SORCS2: variants seen among roughly 807,000 people sequenced by gnomAD.
SORCS2 encodes the protein VPS10 domain-containing receptor SorCS2.
In SORCS2, 100 loss-of-function variants were observed where a neutral mutation model predicts 141.6. The observed-to-expected ratio is 0.71, with a 90% CI of 0.60 to 0.83. The LOEUF (loss-of-function observed/expected upper bound fraction) is 0.83. Among genes scored for constraint, SORCS2 ranks in the 40% least tolerant of loss-of-function variants. The probability of loss-of-function intolerance (pLI) is 0.00; values close to 1 mark genes in which losing one functional copy is unlikely to be tolerated. For missense variants in SORCS2, 1,646 were observed against 1,560.2 expected (o/e 1.05, Z -0.93); for synonymous variants, 789 against 676.9 (o/e 1.17, Z -2.57).
chr4:7,726,931 C>T (rs2301745), intron 21 of SORCS2, 28 bp downstream of exon 21: 864,673 of 1,599,322 alleles, frequency 0.54, 237,863 homozygotes, highest in African/African-American at 0.79. Context: ...TCTGGCAGCA[C>T]GGCCTCTGCA....
At chr4:7,653,855 G>A (rs886932332) in intron 4 of SORCS2, among the ~76,000 whole-genome samples, 3 of 152,170 alleles carry the variant, frequency 2.0e-5, no homozygotes, top group Admixed American at 1.3e-4. Context: ...TCCCACCTTT[G>A]AGGCTCAGAC....
intron 3 of SORCS2, among the ~76,000 whole-genome samples, chr4:7,585,558 C>T (rs1716483564): frequency 6.6e-6 from 1 of 152,230 alleles, no homozygotes; most frequent in African/African-American, 2.4e-5. Flanking sequence ...TATCTCTCGT[C>T]TACCACTTCA....
chr4:7,239,041 A>G (rs1045235183), intron 1 of SORCS2, among the ~76,000 whole-genome samples: 1 of 152,214 alleles, frequency 6.6e-6, no homozygotes, highest in African/African-American at 2.4e-5. Flanking sequence ...AGCTGGGCAC[A>G]GCACTGGACT....
chr4:7,329,088 C>G, intron 1 of SORCS2, among the ~76,000 whole-genome samples: 1 of 152,238 alleles, frequency 6.6e-6, no homozygotes, highest in East Asian at 1.9e-4. Flanking sequence ...CCCTGCCAAG[C>G]CTGTGCCCCA....
intron 1 of SORCS2, among the ~76,000 whole-genome samples, chr4:7,307,978 C>T (rs1482474693): frequency 6.6e-6 from 1 of 152,054 alleles, no homozygotes; most frequent in Non-Finnish European, 1.5e-5. Flanking sequence ...TGTGTGTGCG[C>T]AGGCCTGTGT....
At chr4:7,384,030 G>A (rs554083622) in intron 1 of SORCS2, among the ~76,000 whole-genome samples, 12 of 152,310 alleles carry the variant, frequency 7.9e-5, no homozygotes, top group Admixed American at 2.0e-4. Context: ...TCTTAGCTTC[G>A]TTCTTAGCTC....
intron 4 of SORCS2, among the ~76,000 whole-genome samples, chr4:7,649,362 GC>G (rs889105957): frequency 3.3e-5 from 5 of 149,888 alleles, no homozygotes; most frequent in African/African-American, 1.2e-4. Flanking sequence ...TATCGGGGGG[GC>G]TGTGTACCCA....
At chr4:7,462,392 G>A (rs1193864038) in intron 2 of SORCS2, among the ~76,000 whole-genome samples, 2 of 152,194 alleles carry the variant, frequency 1.3e-5, no homozygotes, top group Non-Finnish European at 1.5e-5. Flanking sequence ...GGCTTCGGGA[G>A]GCTGGGAGTG....
chr4:7,727,399 A>G (rs1412122173), intron 21 of SORCS2, among the ~76,000 whole-genome samples: 2 of 148,928 alleles, frequency 1.3e-5, no homozygotes, highest in Non-Finnish European at 3.0e-5. Flanking sequence ...GATATATACA[A>G]TACCAACTGG....
chr4:7,259,633 C>T (rs1714177398), intron 1 of SORCS2, among the ~76,000 whole-genome samples: 1 of 152,216 alleles, frequency 6.6e-6, no homozygotes, highest in South Asian at 2.1e-4. Flanking sequence ...GTAGCAGTAC[C>T]CGCCTCCCCT....
chr4:7,741,319 G>T lies in SORCS2; in HGVS notation c.*1055G>T. The T allele has an allele frequency of 2.5e-6, 1 of 399,022 alleles. No individual in the cohort carries two copies. Among genetic ancestry groups the T allele is most frequent in the South Asian group, 1.3e-4 (1 of 7,836 alleles). 24.7% of individuals were successfully genotyped at this position (399,022 alleles called of 1,614,324 possible). On this transcript the variant is annotated 3_prime_UTR_variant, in exon 27 of 27. Coordinates refer to ENST00000507866, the MANE Select transcript of SORCS2 (RefSeq NM_020777.3). ...CTGAGGCCCAGGGAGGAGAGTAACT[G>T]AAGGTCACAGCACGGTCACAGCAGA...
At chr4:7,434,176 G>T in intron 2 of SORCS2, 1 of 1,613,906 alleles carries the variant, frequency 6.2e-7, no homozygotes, top group African/African-American at 1.3e-5. Context: ...TGCTTGGTCA[G>T]CAGGGACAAA....
At chr4:7,384,930 C>T (rs1233174743) in intron 1 of SORCS2, among the ~76,000 whole-genome samples, 1 of 152,234 alleles carries the variant, frequency 6.6e-6, no homozygotes, top group Admixed American at 6.5e-5. Flanking sequence ...CTCGCCGGCT[C>T]AGCTTCAGCA....
At chr4:7,605,848 C>G (rs981547487) in intron 3 of SORCS2, among the ~76,000 whole-genome samples, 1 of 152,126 alleles carries the variant, frequency 6.6e-6, no homozygotes, top group Non-Finnish European at 1.5e-5. Flanking sequence ...CCCACCCCAG[C>G]AGAGGCTGCA....
intron 19 of SORCS2, among the ~76,000 whole-genome samples, chr4:7,724,908 T>TGGTG (rs1560115035): frequency 6.5e-5 from 3 of 46,456 alleles, no homozygotes; most frequent in African/African-American, 2.2e-4. Context: ...GTGGTGATAG[T>TGGTG]ATTGGTGGGA....
At chr4:7,430,730 T>C (rs1726784819) in intron 2 of SORCS2, 1 of 152,274 alleles carries the variant, frequency 6.6e-6, no homozygotes, top group African/African-American at 2.4e-5. Context: ...CCCAAACTTC[T>C]AGGCCCAGTA....
At chr4:7,486,419 C>T (rs985882861) in intron 2 of SORCS2, among the ~76,000 whole-genome samples, 1 of 96,188 alleles carries the variant, frequency 1.0e-5, no homozygotes, top group African/African-American at 4.0e-5. Context: ...CCACGACCCC[C>T]TGGCCCTGGA....
chr4:7,664,205 C>T lies in SORCS2; in HGVS notation c.953-148C>T. The T allele has an allele frequency of 1.6e-6, 1 of 612,364 alleles. No individual in the cohort carries two copies. Among genetic ancestry groups the T allele is most frequent in the Non-Finnish European group, 2.8e-6 (1 of 351,594 alleles). 37.9% of individuals were successfully genotyped at this position (612,364 alleles called of 1,614,324 possible). A position where few individuals can be genotyped will look rare whatever the true frequency, so the allele number is the denominator to read the frequency against. The stretch of plus-strand genomic sequence containing the variant: ...TGAGCGAGGATGACACCCTCAGCCG[C>T]AGGTGTCATCACGGTGGCCTTTAGA... On this transcript the variant is annotated intron_variant, in intron 6 of 26. Coordinates refer to ENST00000507866, the MANE Select transcript of SORCS2 (RefSeq NM_020777.3). The surrounding 1 kb of genome is among the most constrained non-coding windows in gnomAD (Gnocchi z 4.7).
At chr4:7,540,944 C>T (rs1712598202) in intron 3 of SORCS2, among the ~76,000 whole-genome samples, 1 of 152,244 alleles carries the variant, frequency 6.6e-6, no homozygotes, top group African/African-American at 2.4e-5. Context: ...ACCCACGAGG[C>T]TGCCCTCAGG....
Sources: gnomAD v4.1 joint callset for allele counts (sites outside exome capture counted in the v4.1 genomes callset) on GRCh38, gnomAD v4.1.1 for gene constraint, Gnocchi (gnomAD v3.1) non-coding constraint, MANE v1.5 for transcripts, NCBI Gene and HGNC (gene_info 2026-07-23, HGNC 2026-07-21) for gene names.